The following CNTN4 variants were observed in gnomAD, a reference collection of about 807,000 sequenced individuals.
The protein encoded by CNTN4 is contactin-4.
A neutral mutation model predicts 122.5 loss-of-function variants in CNTN4; 77 were observed. That is an observed-to-expected ratio of 0.63 (90% CI 0.52 to 0.76). CNTN4 has a LOEUF of 0.76. Among genes scored for constraint, CNTN4 ranks in the 30% least tolerant of loss-of-function variants. The pLI is 0.00. For synonymous variants in CNTN4, 512 were observed against 447.0 expected, an observed-to-expected ratio of 1.15 and a Z score of -1.83; for missense variants, 1,256 against 1,259.1, an observed-to-expected ratio of 1.00 and a Z score of 0.04.
intron 3 of CNTN4, among the ~76,000 whole-genome samples, chr3:2,478,513 A>C (rs527784189): frequency 6.6e-6 from 1 of 151,918 alleles, no homozygotes; most frequent in South Asian, 2.1e-4. Context: ...TTTACTGCAC[A>C]GATCATCTCA....
intron 4 of CNTN4, among the ~76,000 whole-genome samples, chr3:2,577,971 A>T (rs1367627607): frequency 6.6e-6 from 1 of 152,118 alleles, no homozygotes; most frequent in Non-Finnish European, 1.5e-5. Context: ...TGATTTGCTC[A>T]CAAAATCTAT....
chr3:2,509,041 C>G (rs976654068), intron 3 of CNTN4, among the ~76,000 whole-genome samples: 6 of 152,302 alleles, frequency 3.9e-5, no homozygotes, highest in African/African-American at 1.2e-4. Context: ...TATTACATAT[C>G]ATAATCAAAG....
At chr3:2,671,854 G>A (rs571617967) in intron 4 of CNTN4, among the ~76,000 whole-genome samples, 55 of 152,310 alleles carry the variant, frequency 3.6e-4, no homozygotes, top group Non-Finnish European at 5.7e-4. Context: ...GGAGTTTGCC[G>A]GAGGTCCACT....
intron 4 of CNTN4, among the ~76,000 whole-genome samples, chr3:2,605,235 A>C (rs1389570964): frequency 6.6e-6 from 1 of 152,184 alleles, no homozygotes; most frequent in East Asian, 1.9e-4. Context: ...CTCCTGGTCT[A>C]AAGTGTTCCC....
intron 13 of CNTN4, among the ~76,000 whole-genome samples, chr3:2,987,197 C>G (rs1694657854): frequency 6.6e-6 from 1 of 152,242 alleles, no homozygotes; most frequent in South Asian, 2.1e-4. Flanking sequence ...GCCAGTGTGA[C>G]TAGAGTTCAT....
chr3:3,056,109 TC>T lies in CNTN4; in HGVS notation c.2981-10del, dbSNP rs777737323. ...GGGGCTGTTTTGAGTGAATTTGTTC[TC>T]TCTTTTCAGATGCCTACGCGAGAGG... On this transcript the variant is annotated splice_polypyrimidine_tract_variant and intron_variant, in intron 24 of 24. Coordinates refer to ENST00000418658, the MANE Select transcript of CNTN4 (RefSeq NM_175607.3). 6.2e-7 allele frequency: 1 copy of T among 1,611,474 alleles called. No individual in the cohort carries two copies. The highest frequency in any genetic ancestry group is 1.1e-5 in the South Asian group (1 of 91,014).
At chr3:2,500,393 T>C (rs2076564901) in intron 3 of CNTN4, among the ~76,000 whole-genome samples, 2 of 152,172 alleles carry the variant, frequency 1.3e-5, no homozygotes, top group African/African-American at 4.8e-5. Flanking sequence ...CATCATTCTT[T>C]AATTAACGTT....
chr3:2,488,690 T>C (rs999687979), intron 3 of CNTN4, among the ~76,000 whole-genome samples: 5 of 145,794 alleles, frequency 3.4e-5, no homozygotes, highest in African/African-American at 9.8e-5. Flanking sequence ...TTATATGTCA[T>C]TTCACTTAAA....
At chr3:2,686,962 G>A (rs887125417) in intron 4 of CNTN4, among the ~76,000 whole-genome samples, 2 of 152,162 alleles carry the variant, frequency 1.3e-5, no homozygotes, top group African/African-American at 4.8e-5. Context: ...TATGACCTGA[G>A]GTTTAGGAAT....
chr3:2,716,338 T>G (rs1205907170), intron 4 of CNTN4, among the ~76,000 whole-genome samples: 1 of 150,924 alleles, frequency 6.6e-6, no homozygotes, highest in Non-Finnish European at 1.5e-5. Context: ...ATATCTAATA[T>G]TATTATATTA....
At chr3:2,576,873 C>G (rs995291970) in intron 4 of CNTN4, among the ~76,000 whole-genome samples, 4 of 152,120 alleles carry the variant, frequency 2.6e-5, no homozygotes, top group African/African-American at 4.8e-5. Flanking sequence ...CTGACTTTAA[C>G]TATAGCTGGG....
In CNTN4 at chr3:2,522,826, C is replaced by T. The variant is rs983812020; in HGVS notation, c.-88-48590C>T. Among the ~76,000 whole-genome samples the T allele has an allele frequency of 6.1e-4, 93 of 152,126 alleles. 1 individual carries two copies. The highest frequency in any genetic ancestry group is 8.3e-4 in the South Asian group (4 of 4,814). On this transcript the variant is annotated intron_variant, in intron 3 of 24. Transcript: ENST00000418658. Reference sequence around the variant, plus strand: ...GTTCAGCCCACATGAGATTTCCCAACTGAGGAATTCTTTCTTGAGTGTCTT... The same window carrying T: ...GTTCAGCCCACATGAGATTTCCCAATTGAGGAATTCTTTCTTGAGTGTCTT...
intron 13 of CNTN4, among the ~76,000 whole-genome samples, chr3:2,938,310 A>G (rs1168047580): frequency 2.0e-5 from 3 of 152,046 alleles, no homozygotes; most frequent in South Asian, 2.1e-4. Flanking sequence ...CCATCTGTCA[A>G]TAATAATAGT....
chr3:2,203,531 G>C (rs1315254092), intron 2 of CNTN4, among the ~76,000 whole-genome samples: 1 of 151,924 alleles, frequency 6.6e-6, no homozygotes, highest in Non-Finnish European at 1.5e-5. Flanking sequence ...TGGGTCTTTG[G>C]CCAAGGTACA....
At chr3:2,877,873 T>C (rs2093862842) in intron 8 of CNTN4, among the ~76,000 whole-genome samples, 1 of 152,154 alleles carries the variant, frequency 6.6e-6, no homozygotes, top group Non-Finnish European at 1.5e-5. Flanking sequence ...TTAAATTTAA[T>C]GCAGAAAGTA....
intron 2 of CNTN4, among the ~76,000 whole-genome samples, chr3:2,112,676 C>G (rs1368921285): frequency 6.6e-6 from 1 of 152,112 alleles, no homozygotes; most frequent in Admixed American, 6.6e-5. Flanking sequence ...ATCATTAAAC[C>G]TCATTACTTA....
intron 18 of CNTN4, among the ~76,000 whole-genome samples, chr3:3,038,295 C>G (rs1315705834): frequency 6.6e-6 from 1 of 152,154 alleles, no homozygotes; most frequent in Non-Finnish European, 1.5e-5. Context: ...AATTTCCTCT[C>G]TTTTATAGAG....
At chr3:2,595,570 A>G (rs2080728742) in intron 4 of CNTN4, among the ~76,000 whole-genome samples, 2 of 152,134 alleles carry the variant, frequency 1.3e-5, no homozygotes, top group South Asian at 4.1e-4. Context: ...TCAATGAAGG[A>G]TAAGTGGACC....
chr3:2,343,536 G>A (rs1720178), intron 3 of CNTN4, among the ~76,000 whole-genome samples: 55,718 of 152,000 alleles, frequency 0.37, 10,574 homozygotes, highest in African/African-American at 0.44. Flanking sequence ...TAAGTAACCA[G>A]TGGGAAACCT....
Sources: allele counts gnomAD v4.1 joint callset (sites outside exome capture counted in the v4.1 genomes callset), GRCh38; gene constraint gnomAD v4.1.1; transcripts MANE v1.5; gene names NCBI Gene and HGNC (gene_info 2026-07-23, HGNC 2026-07-21).